Variants in VEZT observed in about 807,000 individuals in gnomAD.
VEZT encodes the protein vezatin, adherens junctions transmembrane protein.
A neutral mutation model predicts 79.9 loss-of-function variants in VEZT; 39 were observed. The ratio of observed to expected loss-of-function variants is 0.49; its 90% CI spans 0.38 to 0.64. VEZT has a LOEUF of 0.64. Ranked by LOEUF, VEZT falls within the 30% of genes least tolerant of loss-of-function variation. The pLI is 0.00. For synonymous variants in VEZT, 325 were observed against 327.6 expected (o/e 0.99, Z 0.09); for missense variants, 837 against 893.1 (o/e 0.94, Z 0.80).
intron 7 of VEZT, among the ~76,000 whole-genome samples, chr12:95,277,004 C>G (rs1473309054): frequency 1.3e-5 from 2 of 151,920 alleles, no homozygotes; most frequent in Non-Finnish European, 2.9e-5. Context: ...CCACTTTTTT[C>G]TATATCCACC....
At chr12:95,289,779 ATTTT>A (rs1275620030) in intron 9 of VEZT, among the ~76,000 whole-genome samples, 1 of 152,092 alleles carries the variant, frequency 6.6e-6, no homozygotes, top group East Asian at 1.9e-4. Context: ...AAAAGGTCTT[ATTTT>A]GAAATCATTT....
intron 6 of VEZT, 29 bp from the exon 7 acceptor site, chr12:95,274,713 C>T (rs753143350): frequency 6.3e-7 from 1 of 1,591,514 alleles, no homozygotes; most frequent in Non-Finnish European, 8.5e-7. Flanking sequence ...CATGAAAAGG[C>T]TTTGTTGATT....
intron 5 of VEZT, among the ~76,000 whole-genome samples, chr12:95,267,175 T>A (rs556585433): frequency 6.6e-6 from 1 of 152,336 alleles, no homozygotes; most frequent in East Asian, 1.9e-4. Context: ...GTAAGTATAT[T>A]AAGCTGTAGG....
At chr12:95,252,880 G>A (rs1460419253) in intron 2 of VEZT, among the ~76,000 whole-genome samples, 2 of 152,186 alleles carry the variant, frequency 1.3e-5, no homozygotes, top group Non-Finnish European at 1.5e-5. Flanking sequence ...CAGGAGAATC[G>A]CTTGAACCTG....
intron 3 of VEZT, among the ~76,000 whole-genome samples, chr12:95,260,500 T>C (rs1050935361): frequency 1.3e-5 from 2 of 152,184 alleles, no homozygotes; most frequent in African/African-American, 4.8e-5. Context: ...GTTTTACACA[T>C]AAGTCTGATG....
intron 5 of VEZT, among the ~76,000 whole-genome samples, chr12:95,268,520 T>G (rs2065979659): frequency 6.6e-6 from 1 of 152,120 alleles, no homozygotes; most frequent in Non-Finnish European, 1.5e-5. Flanking sequence ...AAAGTAATAG[T>G]TCCTTTTTAT....
Position 95,300,384 on chromosome 12 carries a change from A to G in VEZT, c.2051A>G (p.Gln684Arg). Residue 684 changes from glutamine to arginine, a missense_variant, in exon 12 of 12, where the codon CAA becomes CGA. By Grantham distance (43) the Gln-to-Arg change is conservative. Transcript: ENST00000436874. ...KDNSSNEVFP[Q>R]GAEERMCYQC... is the part of the protein sequence containing the mutation. ...AATTCTTCAAATGAAGTCTTCCCCC[A>G]AGGAGCAGAAGAAAGAATGTGTTAC... 1 of 1,613,982 alleles carries G rather than the reference A, an allele frequency of 6.2e-7. No homozygotes were observed. The highest frequency in any genetic ancestry group is 8.5e-7 in the Non-Finnish European group (1 of 1,179,870).
chr12:95,235,161 C>CA (rs1375382024), intron 1 of VEZT, among the ~76,000 whole-genome samples: 2 of 151,842 alleles, frequency 1.3e-5, no homozygotes, highest in African/African-American at 4.8e-5. Context: ...CCGTTCTCAA[C>CA]GAGCTGTTGG....
chr12:95,285,309 T>G (rs1302631901), intron 8 of VEZT, among the ~76,000 whole-genome samples: 1 of 151,772 alleles, frequency 6.6e-6, no homozygotes, highest in Non-Finnish European at 1.5e-5. Context: ...CCAGTCATGG[T>G]GGTACACGCC....
chr12:95,237,310 TA>T (rs75016277), intron 1 of VEZT, among the ~76,000 whole-genome samples: 37 of 149,340 alleles, frequency 2.5e-4, no homozygotes, highest in South Asian at 1.3e-3. Flanking sequence ...GGCTTGTACA[TA>T]AAAAAAAAAT....
At chr12:95,240,764 A>G (rs2060901080) in intron 1 of VEZT, among the ~76,000 whole-genome samples, 1 of 152,166 alleles carries the variant, frequency 6.6e-6, no homozygotes, top group African/African-American at 2.4e-5. Flanking sequence ...CATTTTGGTC[A>G]TTGCTTTTCA....
chr12:95,289,488 T>C (rs2072119263), intron 9 of VEZT, among the ~76,000 whole-genome samples: 1 of 151,694 alleles, frequency 6.6e-6, no homozygotes, highest in African/African-American at 2.4e-5. Context: ...CTATGAGATG[T>C]TGAATCTTAG....
rs749977465 is a variant in VEZT at position 95,300,147 on chromosome 12, C to CT, written c.1832-9dup. 275 of 1,325,504 alleles carry CT rather than the reference C, an allele frequency of 2.1e-4. No individual in the cohort carries two copies. Among genetic ancestry groups the CT allele is most frequent in the South Asian group, 4.9e-4 (23 of 46,992 alleles). The allele number at this position is 1,325,504 out of a possible 1,614,324, so 82.1% of individuals were successfully genotyped here. On this transcript the variant is annotated splice_polypyrimidine_tract_variant and intron_variant, in intron 11 of 11. Coordinates refer to ENST00000436874, the MANE Select transcript of VEZT (RefSeq NM_017599.4). ...TCCTTAGTTATTTTTTTTCTTTTTT[C>CT]TTTTTTTTTATTTGAAGCCGTGTTG...
intron 8 of VEZT, among the ~76,000 whole-genome samples, chr12:95,284,707 A>ATTAAAAGT (rs2139373953): frequency 6.6e-6 from 1 of 152,282 alleles, no homozygotes; most frequent in African/African-American, 2.4e-5. Flanking sequence ...AGCTTTTGCC[A>ATTAAAAGT]TTAAAAGTAA....
chr12:95,244,398 A>G (rs1053751126), intron 1 of VEZT, among the ~76,000 whole-genome samples: 3 of 152,142 alleles, frequency 2.0e-5, no homozygotes, highest in Non-Finnish European at 4.4e-5. Context: ...ATAAATAATG[A>G]TAACCCCAAT....
intron 4 of VEZT, among the ~76,000 whole-genome samples, chr12:95,265,796 A>C (rs1321498771): frequency 6.6e-6 from 1 of 152,128 alleles, no homozygotes; most frequent in Non-Finnish European, 1.5e-5. Context: ...TTTTGGTATT[A>C]AATATAAGAT....
In VEZT at chr12:95,287,659, C is replaced by T. The variant is rs973258650; in HGVS notation, c.1329-5C>T. On this transcript the variant is annotated splice_region_variant and splice_polypyrimidine_tract_variant and intron_variant, in intron 8 of 11. Coordinates refer to ENST00000436874, the MANE Select transcript of VEZT (RefSeq NM_017599.4). ...AATCTGTTTCTGTTTTTCTTTATGA[C>T]TCAGGGTAATAATTCTTGAAGATGA... The T allele has an allele frequency of 2.0e-6, 3 of 1,526,044 alleles. No individual in the cohort carries two copies. The African/African-American group carries it at 4.2e-5, about 21-fold the overall frequency. The allele number at this position is 1,526,044 out of a possible 1,614,324, so 94.5% of individuals were successfully genotyped here.
chr12:95,266,184 T>C (rs548543561), intron 4 of VEZT, among the ~76,000 whole-genome samples, 173 bp from the exon 5 acceptor site: 2 of 152,252 alleles, frequency 1.3e-5, no homozygotes, highest in Admixed American at 1.3e-4. Context: ...ATTTTAAAAA[T>C]CTTTCACATC....
intron 4 of VEZT, among the ~76,000 whole-genome samples, chr12:95,264,002 C>T (rs2065034915): frequency 6.6e-6 from 1 of 152,112 alleles, no homozygotes; most frequent in South Asian, 2.1e-4. Context: ...ATGTCTTCTT[C>T]CTGTTAAAGT....
Sources: gnomAD v4.1 joint callset for allele counts (sites outside exome capture counted in the v4.1 genomes callset) on GRCh38, gnomAD v4.1.1 for gene constraint, MANE v1.5 for transcripts, NCBI Gene and HGNC (gene_info 2026-07-23, HGNC 2026-07-21) for gene names.